TANC2: variants seen among roughly 807,000 people sequenced by gnomAD.
TANC2 encodes the protein tetratricopeptide repeat, ankyrin repeat and coiled-coil containing 2, also known as protein TANC2.
In TANC2, 26 loss-of-function variants were observed where a neutral mutation model predicts 210.5. The observed-to-expected ratio is 0.12, with a 90% CI of 0.09 to 0.17. The LOEUF (loss-of-function observed/expected upper bound fraction) is 0.17, where lower values mean the gene tolerates loss of function less well. TANC2 is among the 10% of genes least tolerant of loss of function. TANC2 has a pLI of 1.00. For missense variants in TANC2, 2,129 were observed against 2,608.9 expected, an observed-to-expected ratio of 0.82 and a Z score of 4.01; for synonymous variants, 931 against 967.1, an observed-to-expected ratio of 0.96 and a Z score of 0.69.
intron 2 of TANC2, among the ~76,000 whole-genome samples, chr17:63,071,009 T>G (rs2036375618): frequency 6.6e-6 from 1 of 152,208 alleles, no homozygotes; most frequent in African/African-American, 2.4e-5. Context: ...GTGGTTGATT[T>G]GATAAGAGTA....
At chr17:63,422,213 G>A (rs538014063) in exon 28 of TANC2, 196 of 421,952 alleles carry the variant, frequency 4.6e-4, no homozygotes, top group African/African-American at 2.8e-3. Context: ...GGAGATTTTC[G>A]TGCTGTGTGC....
intron 5 of TANC2, among the ~76,000 whole-genome samples, chr17:63,178,376 G>C (rs1567789837): frequency 6.6e-6 from 1 of 152,150 alleles, no homozygotes; most frequent in Non-Finnish European, 1.5e-5. Context: ...ACATAAGCTA[G>C]AGGTGGTTGC....
At chr17:63,422,066 T>A in exon 28 of TANC2, 1 of 1,359,320 alleles carries the variant, frequency 7.4e-7, no homozygotes, top group Non-Finnish European at 9.9e-7. Flanking sequence ...TTCTGTGTGG[T>A]GTTCAGAGGT....
intron 6 of TANC2, 68 bp from the exon 7 acceptor site, chr17:63,200,698 ATTTAT>A: frequency 1.5e-6 from 2 of 1,340,264 alleles, no homozygotes; most frequent in Non-Finnish European, 1.0e-6. Context: ...TCATCAAAGC[ATTTAT>A]TTTATCTTAA....
At chr17:63,046,047 G>A (rs1311360486) in intron 2 of TANC2, among the ~76,000 whole-genome samples, 2 of 151,908 alleles carry the variant, frequency 1.3e-5, no homozygotes, top group Non-Finnish European at 2.9e-5. Flanking sequence ...TTCCTTGGGA[G>A]AAAAATACAA....
intron 21 of TANC2, among the ~76,000 whole-genome samples, chr17:63,409,690 C>G (rs541031943): frequency 6.6e-6 from 1 of 152,098 alleles, no homozygotes; most frequent in Non-Finnish European, 1.5e-5. Flanking sequence ...GCCTGGTGCT[C>G]CTAGGCTACA....
rs1444086147 is a variant in TANC2 at position 63,421,978 on chromosome 17, C to T, written c.*23C>T. 1.9e-6 allele frequency: 3 copies of T among 1,566,200 alleles called. No individual in the cohort carries two copies. Among genetic ancestry groups the T allele is most frequent in the Non-Finnish European group, 2.6e-6 (3 of 1,157,056 alleles). Reference sequence around the variant, plus strand: ...TAAAAGACGTTTTGTTGGAGTGAGACCCATATGTTTTCACTGCACATTTTC... The same window carrying T: ...TAAAAGACGTTTTGTTGGAGTGAGATCCATATGTTTTCACTGCACATTTTC... On this transcript the variant is annotated 3_prime_UTR_variant, in exon 28 of 28. Coordinates refer to ENST00000689528, the Ensembl canonical transcript of TANC2. The surrounding 1 kb of genome is among the most constrained non-coding windows in gnomAD (Gnocchi z 6.9).
At chr17:62,981,791 G>C (rs971335407) in intron 1 of TANC2, among the ~76,000 whole-genome samples, 20 of 152,258 alleles carry the variant, frequency 1.3e-4, no homozygotes, top group Non-Finnish European at 4.4e-5. Context: ...TAATTCATTA[G>C]AACAACTGAT....
rs138460141 is a variant in TANC2, at chr17:63,089,924, G to GT, written c.140-9245dup. 4.5e-3 allele frequency among the ~76,000 whole-genome samples: 688 copies of GT among 152,074 alleles called. 9 individuals carry two copies. The highest frequency in any genetic ancestry group is 0.02 in the East Asian group (101 of 5,170). ...CAGTGAGTATGTTATTACAAATTAG[G>GT]TTTTTTAAAAGTCAGGTTTATTTAA... On this transcript the variant is annotated intron_variant, in intron 3 of 27. Transcript: ENST00000689528.
intron 9 of TANC2, among the ~76,000 whole-genome samples, chr17:63,308,603 A>G (rs1182004083): frequency 2.0e-5 from 3 of 152,210 alleles, no homozygotes; most frequent in Non-Finnish European, 2.9e-5. Context: ...TGTAATAGCT[A>G]CAACAGTTAA....
At position 63,420,202 on chromosome 17, in the gene TANC2, T is replaced by C. The variant is rs2048981122; in HGVS notation, c.4472T>C (p.Val1491Ala). Reference sequence around the variant, plus strand: ...CCACAGCATGAAGACATATACTCTGTACAGGATATATTCGAGGAGGAGTAC... The same window carrying C: ...CCACAGCATGAAGACATATACTCTGCACAGGATATATTCGAGGAGGAGTAC... The change falls in exon 28 of 28, where the codon GTA becomes GCA. Residue 1491 changes from valine (V) to alanine (A), a missense_variant. This residue lies in a region of TANC2 where 584 missense variants were observed against 627.3 expected (regional missense o/e 0.93). Coordinates refer to ENST00000689528, the Ensembl canonical transcript of TANC2. This position sits in a 1 kb window ranked among gnomAD's most constrained non-coding sequence, Gnocchi z 4.2. The C allele has an allele frequency of 1.2e-6, 2 of 1,602,792 alleles. No individual in the cohort carries two copies. Among genetic ancestry groups the C allele is most frequent in the Middle Eastern group, 1.7e-4 (1 of 6,048 alleles).
intron 15 of TANC2, among the ~76,000 whole-genome samples, chr17:63,385,743 C>G (rs541276872): frequency 1.3e-5 from 2 of 152,204 alleles, no homozygotes; most frequent in African/African-American, 4.8e-5. Flanking sequence ...CAGAGCCCAG[C>G]CTCCTCAAGG....
intron 19 of TANC2, among the ~76,000 whole-genome samples, chr17:63,403,776 C>G (rs994210918): frequency 6.6e-6 from 1 of 152,190 alleles, no homozygotes; most frequent in Non-Finnish European, 1.5e-5. Context: ...CCACATTTTA[C>G]TTCATAAGTC....
intron 1 of TANC2, among the ~76,000 whole-genome samples, chr17:62,976,751 A>G (rs756583160): frequency 1.4e-4 from 22 of 152,310 alleles, no homozygotes; most frequent in Non-Finnish European, 3.1e-4. Flanking sequence ...AGCTCTCACA[A>G]TTTAGCCTAA....
At chr17:63,354,322 G>A (rs796965584) in intron 13 of TANC2, among the ~76,000 whole-genome samples, 114 of 152,288 alleles carry the variant, frequency 7.5e-4, no homozygotes, top group African/African-American at 2.6e-3. Flanking sequence ...ATACATCTGT[G>A]TTGTGTGGGA....
At chr17:62,999,960 T>C in intron 1 of TANC2, among the ~76,000 whole-genome samples, 1 of 152,198 alleles carries the variant, frequency 6.6e-6, no homozygotes, top group East Asian at 1.9e-4. Flanking sequence ...TGGAGGCCAT[T>C]ATCCTAAGCA....
chr17:63,401,889 C>T (rs935705372), intron 19 of TANC2, among the ~76,000 whole-genome samples: 3 of 152,140 alleles, frequency 2.0e-5, no homozygotes, highest in Admixed American at 2.0e-4. Context: ...TCCTTTAATT[C>T]CTGCCCTCAT....
intron 2 of TANC2, among the ~76,000 whole-genome samples, chr17:63,073,141 G>A (rs530834383): frequency 3.3e-5 from 5 of 152,086 alleles, no homozygotes; most frequent in East Asian, 1.9e-4. Context: ...ATTTATAGGT[G>A]TATAGACCAC....
chr17:63,125,917 C>T (rs2038690821), intron 4 of TANC2, among the ~76,000 whole-genome samples: 1 of 152,156 alleles, frequency 6.6e-6, no homozygotes, highest in Non-Finnish European at 1.5e-5. Context: ...AGTTTGTGTA[C>T]TCTGGAGCCA....
Sources: allele counts gnomAD v4.1 joint callset (sites outside exome capture counted in the v4.1 genomes callset), GRCh38; gene constraint gnomAD v4.1.1; regional missense constraint gnomAD v4.1.1; non-coding constraint Gnocchi (gnomAD v3.1); transcripts MANE v1.5; gene names NCBI Gene and HGNC (gene_info 2026-07-23, HGNC 2026-07-21).